TBC1D5: variants seen among roughly 807,000 people sequenced by gnomAD.
TBC1D5 encodes the protein TBC1 domain family member 5.
TBC1D5 carries 75 observed loss-of-function variants against 100.3 expected under a neutral mutation model. The ratio of observed to expected loss-of-function variants is 0.75; its 90% CI spans 0.62 to 0.91. TBC1D5 has a LOEUF of 0.91. Among genes scored for constraint, TBC1D5 ranks in the 40% least tolerant of loss-of-function variants. TBC1D5 has a pLI of 0.00. For missense variants in TBC1D5, 910 were observed against 942.4 expected (o/e 0.97, Z 0.45); for synonymous variants, 323 against 325.6 (o/e 0.99, Z 0.09).
exon 7 of TBC1D5, chr3:17,404,733 T>C: frequency 6.2e-7 from 1 of 1,608,458 alleles, no homozygotes; most frequent in South Asian, 1.1e-5. Context: ...TCATCAAATC[T>C]TGTTGGCCAA....
intron 2 of TBC1D5, among the ~76,000 whole-genome samples, chr3:17,563,751 T>TTTGTTG: frequency 6.6e-6 from 1 of 152,024 alleles, no homozygotes; most frequent in African/African-American, 2.4e-5. Flanking sequence ...TTACTGGTGG[T>TTTGTTG]TTGTTGTTGT....
chr3:17,485,841 C>A (rs1409014074), intron 3 of TBC1D5, among the ~76,000 whole-genome samples: 1 of 152,066 alleles, frequency 6.6e-6, no homozygotes, highest in East Asian at 1.9e-4. Flanking sequence ...ATTTATAGTC[C>A]TTTGGGTATA....
intron 3 of TBC1D5, among the ~76,000 whole-genome samples, chr3:17,458,451 A>C (rs2095136407): frequency 6.6e-6 from 1 of 152,156 alleles, no homozygotes; most frequent in Admixed American, 6.5e-5. Flanking sequence ...TGATGGGTTC[A>C]TAAACAAGCC....
At chr3:17,539,803 G>A (rs1334210716) in intron 2 of TBC1D5, among the ~76,000 whole-genome samples, 1 of 152,092 alleles carries the variant, frequency 6.6e-6, no homozygotes, top group Non-Finnish European at 1.5e-5. Flanking sequence ...TATGAACATG[G>A]GTGTATAAAT....
rs527904077 is a variant in TBC1D5 at position 17,213,871 on chromosome 3, G to A, written c.1752+336C>T. 6.6e-5 allele frequency among the ~76,000 whole-genome samples: 10 copies of A among 151,274 alleles called. No homozygotes were observed. The East Asian group carries it at 7.7e-4, about 12-fold the overall frequency. ...ATATTTAAAATGGAAAAAACACCTT[G>A]GTTTGTTTCAAGTTCCATCATTTAT... On this transcript the variant is annotated intron_variant, in intron 18 of 21. Coordinates refer to ENST00000253692, the Ensembl canonical transcript of TBC1D5.
At chr3:17,383,579 T>C (rs1161467784) in intron 9 of TBC1D5, among the ~76,000 whole-genome samples, 1 of 152,072 alleles carries the variant, frequency 6.6e-6, no homozygotes, top group Non-Finnish European at 1.5e-5. Context: ...ATAAATGCTA[T>C]ACTTAAAAAT....
At chr3:17,539,684 C>A (rs1412266597) in intron 2 of TBC1D5, among the ~76,000 whole-genome samples, 1 of 152,128 alleles carries the variant, frequency 6.6e-6, no homozygotes, top group Non-Finnish European at 1.5e-5. Flanking sequence ...ATGTCCTGAA[C>A]TGTGGAATGC....
At chr3:17,681,567 A>G (rs572223037) in intron 1 of TBC1D5, among the ~76,000 whole-genome samples, 3 of 151,674 alleles carry the variant, frequency 2.0e-5, no homozygotes, top group Non-Finnish European at 4.4e-5. Context: ...GTTTTCGGAA[A>G]TGTTTTGGCA....
At chr3:17,701,703 C>G (rs1263549541) in intron 1 of TBC1D5, among the ~76,000 whole-genome samples, 1 of 151,964 alleles carries the variant, frequency 6.6e-6, no homozygotes, top group Non-Finnish European at 1.5e-5. Context: ...TTTTTCCAGA[C>G]TAACTGAAGT....
intron 1 of TBC1D5, among the ~76,000 whole-genome samples, chr3:17,697,611 C>T (rs2072340163): frequency 6.6e-6 from 1 of 152,170 alleles, no homozygotes; most frequent in Non-Finnish European, 1.5e-5. Flanking sequence ...AAAGAGGATA[C>T]AAACAAATGG....
chr3:17,335,496 G>A (rs180864636), intron 13 of TBC1D5, among the ~76,000 whole-genome samples: 80 of 152,162 alleles, frequency 5.3e-4, no homozygotes, highest in Middle Eastern at 6.9e-3. Context: ...CCACTCAGCA[G>A]AACCACAACA....
At chr3:17,369,020 G>A (rs1333208737) in intron 13 of TBC1D5, among the ~76,000 whole-genome samples, 1 of 152,142 alleles carries the variant, frequency 6.6e-6, no homozygotes, top group Non-Finnish European at 1.5e-5. Context: ...TAAGATATTT[G>A]TGTGATACAG....
intron 16 of TBC1D5, among the ~76,000 whole-genome samples, chr3:17,245,154 G>C (rs1399530148): frequency 5.3e-5 from 8 of 151,988 alleles, no homozygotes; most frequent in African/African-American, 1.7e-4. Flanking sequence ...GATCACACCA[G>C]TGCGTTCCTG....
chr3:17,462,924 C>G (rs2095241527), intron 3 of TBC1D5, among the ~76,000 whole-genome samples: 1 of 152,056 alleles, frequency 6.6e-6, no homozygotes, highest in South Asian at 2.1e-4. Context: ...AAGCAAAGCA[C>G]TAATGGGTGA....
At chr3:17,728,141 C>T (rs2076272412) in intron 1 of TBC1D5, among the ~76,000 whole-genome samples, 1 of 152,112 alleles carries the variant, frequency 6.6e-6, no homozygotes, top group Non-Finnish European at 1.5e-5. Context: ...CACACGCATA[C>T]CCACACACCC....
At chr3:17,308,102 A>T (rs371594258) in exon 14 of TBC1D5, 2 of 1,601,554 alleles carry the variant, frequency 1.2e-6, no homozygotes, top group African/African-American at 2.7e-5. Flanking sequence ...CTGCAGGGGG[A>T]ACTCTCGTCC....
chr3:17,651,058 G>C (rs1234025474), intron 1 of TBC1D5, among the ~76,000 whole-genome samples: 1 of 152,104 alleles, frequency 6.6e-6, no homozygotes, highest in Non-Finnish European at 1.5e-5. Context: ...TCCTGGAAAA[G>C]AAAAATCAAG....
At chr3:17,602,382 T>G (rs1374225961) in intron 2 of TBC1D5, among the ~76,000 whole-genome samples, 1 of 151,998 alleles carries the variant, frequency 6.6e-6, no homozygotes, top group Non-Finnish European at 1.5e-5. Context: ...TTATCTTCAC[T>G]CCGAAATACA....
intron 17 of TBC1D5, among the ~76,000 whole-genome samples, chr3:17,223,042 G>A (rs1199700821): frequency 1.3e-5 from 2 of 151,990 alleles, no homozygotes; most frequent in Non-Finnish European, 2.9e-5. Flanking sequence ...AATATTTTCT[G>A]AAGGGGGGAA....
Sources: gnomAD v4.1 joint callset for allele counts (sites outside exome capture counted in the v4.1 genomes callset) on GRCh38, gnomAD v4.1.1 for gene constraint, MANE v1.5 for transcripts, NCBI Gene and HGNC (gene_info 2026-07-23, HGNC 2026-07-21) for gene names.